CCDC90B: variants seen among roughly 807,000 people sequenced by gnomAD.
CCDC90B encodes coiled-coil domain-containing protein 90B, mitochondrial.
In CCDC90B, 24 loss-of-function variants were observed where a neutral mutation model predicts 37.0. The observed-to-expected ratio is 0.65, with a 90% confidence interval of 0.47 to 0.91. The LOEUF is 0.91. Ranked by LOEUF, CCDC90B falls within the 40% of genes least tolerant of loss-of-function variation. The probability of loss-of-function intolerance (pLI) is 0.00; values close to 1 mark genes in which losing one functional copy is unlikely to be tolerated. For synonymous variants in CCDC90B, 113 were observed against 101.1 expected, an observed-to-expected ratio of 1.12 and a Z score of -0.71; for missense variants, 319 against 299.0, an observed-to-expected ratio of 1.07 and a Z score of -0.49.
At position 83,261,625 on chromosome 11, in the gene CCDC90B, TC is replaced by T; in HGVS notation, c.*285del. ...ACTGTTCAAGCAAACATAAGAAAACTCTGGTTCAATTTCTATTAACTATCAA... is the reference window on the plus strand; with the variant it reads ...ACTGTTCAAGCAAACATAAGAAAACTTGGTTCAATTTCTATTAACTATCAA... On this transcript the variant is annotated 3_prime_UTR_variant, in exon 9 of 9. Transcript: ENST00000529689. The T allele has an allele frequency of 4.3e-6, 1 of 232,294 alleles. No homozygotes were observed. The highest frequency in any genetic ancestry group is 8.1e-5 in the East Asian group (1 of 12,328). The allele number at this position is 232,294 out of a possible 1,614,324, so 14.4% of individuals were successfully genotyped here.
At chr11:83,279,299 AC>A (rs1364834159) in intron 2 of CCDC90B, among the ~76,000 whole-genome samples, 1 of 151,970 alleles carries the variant, frequency 6.6e-6, no homozygotes. Flanking sequence ...CAAAAAAAAA[AC>A]AAACAAAAAA....
chr11:83,262,103 C>A, intron 8 of CCDC90B, 137 bp from the exon 9 acceptor site: 1 of 571,202 alleles, frequency 1.8e-6, no homozygotes, highest in Non-Finnish European at 3.0e-6. Context: ...TTTTTATTCC[C>A]TAGACAATTA....
Position 83,286,034 on chromosome 11 carries a change from G to T in CCDC90B, c.-62C>A. On this transcript the variant is annotated 5_prime_UTR_variant, in exon 1 of 9. Transcript: ENST00000529689. ...CGGGGTAAATCTCGCACAGGCTTTC[G>T]GGCAAGGTAGTTCTGGCACCACAGG... The T allele has an allele frequency of 6.4e-7, 1 of 1,556,316 alleles. No individual in the cohort carries two copies. Among genetic ancestry groups the T allele is most frequent in the East Asian group, 2.4e-5 (1 of 41,532 alleles).
intron 1 of CCDC90B, among the ~76,000 whole-genome samples, chr11:83,282,138 A>C (rs1865419507): frequency 6.6e-6 from 1 of 152,202 alleles, no homozygotes; most frequent in Admixed American, 6.5e-5. Context: ...CATTTTGTAA[A>C]CACGATGGGA....
At position 83,265,846 on chromosome 11, in the gene CCDC90B, C is replaced by G; in HGVS notation, c.709+19G>C. The G allele has an allele frequency of 2.0e-6, 3 of 1,479,430 alleles. No individual in the cohort carries two copies. Among genetic ancestry groups the G allele is most frequent in the South Asian group, 1.2e-5 (1 of 86,842 alleles). The allele number at this position is 1,479,430 out of a possible 1,614,324, so 91.6% of individuals were successfully genotyped here. ...CAGGAAAATTAGATGACAGCAATTT[C>G]TTTCTCTGACAGTCTTACCTGCAAG... On this transcript the variant is annotated intron_variant, in intron 8 of 8. Transcript: ENST00000529689.
At chr11:83,285,175 C>T (rs1342889890) in intron 1 of CCDC90B, 2 of 1,284,316 alleles carry the variant, frequency 1.6e-6, no homozygotes, top group African/African-American at 1.5e-5. Flanking sequence ...GGTGCCTATT[C>T]GCCTATTTTG....
chr11:83,276,505 G>T (rs1565216522), intron 3 of CCDC90B, among the ~76,000 whole-genome samples: 1 of 152,010 alleles, frequency 6.6e-6, no homozygotes, highest in Non-Finnish European at 1.5e-5. Flanking sequence ...CCACCATCAT[G>T]CCTGGCTAAT....
chr11:83,280,073 T>C, intron 2 of CCDC90B, 68 bp downstream of exon 2: 1 of 1,475,452 alleles, frequency 6.8e-7, no homozygotes, highest in Non-Finnish European at 9.2e-7. Context: ...ATAATAGTGA[T>C]ATTGTCTTAA....
rs1863868342 is a variant in CCDC90B at position 83,260,261 on chromosome 11, A to C, written c.*1650T>G. 1 of 152,218 alleles carries C rather than the reference A, an allele frequency of 6.6e-6. No individual in the cohort carries two copies. 9.4% of individuals were successfully genotyped at this position (152,218 alleles called of 1,614,324 possible). A position where few individuals can be genotyped will look rare whatever the true frequency, so the allele number is the denominator to read the frequency against. On this transcript the variant is annotated 3_prime_UTR_variant, in exon 9 of 9. Transcript: ENST00000529689. ...AAGATTGTCAATTCAATGAGAATGA[A>C]ACCATGTTCATCTCTGTGCACACAG...
At chr11:83,275,077 C>CT (rs1403217782) in intron 3 of CCDC90B, among the ~76,000 whole-genome samples, 1 of 152,076 alleles carries the variant, frequency 6.6e-6, no homozygotes, top group Non-Finnish European at 1.5e-5. Flanking sequence ...GGTTTTATCT[C>CT]TTATTACTTT....
rs1278338496 is a variant in CCDC90B at position 83,261,795 on chromosome 11, A to G, written c.*116T>C. 1.4e-6 allele frequency: 1 copy of G among 708,268 alleles called. No individual in the cohort carries two copies. 43.9% of individuals were successfully genotyped at this position (708,268 alleles called of 1,614,324 possible). ...AAACACTTCCTCTTTTAGTCCGTAT[A>G]CACTTCGAATAATCTTGTGTAGTAA... On this transcript the variant is annotated 3_prime_UTR_variant, in exon 9 of 9. Coordinates refer to ENST00000529689, the MANE Select transcript of CCDC90B (RefSeq NM_021825.5).
intron 3 of CCDC90B, among the ~76,000 whole-genome samples, chr11:83,276,122 G>C (rs1025032171): frequency 6.6e-6 from 1 of 152,076 alleles, no homozygotes; most frequent in African/African-American, 2.4e-5. Flanking sequence ...TACTGGGGAG[G>C]GTTGTTCATT....
intron 8 of CCDC90B, among the ~76,000 whole-genome samples, chr11:83,262,681 C>G (rs1021335694): frequency 6.6e-6 from 1 of 152,128 alleles, no homozygotes; most frequent in Non-Finnish European, 1.5e-5. Context: ...AATAAAGACA[C>G]AAGAAATTAG....
chr11:83,274,450 T>G (rs1864897725), intron 4 of CCDC90B, 189 bp downstream of exon 4: 1 of 404,700 alleles, frequency 2.5e-6, no homozygotes, highest in Non-Finnish European at 4.4e-6. Context: ...CTCTTCAGTA[T>G]GCAAAGCACT....
chr11:83,285,012 C>T, intron 1 of CCDC90B: 1 of 591,380 alleles, frequency 1.7e-6, no homozygotes. Context: ...GCAGTTTTGA[C>T]TGCAGCTGTT....
intron 8 of CCDC90B, among the ~76,000 whole-genome samples, chr11:83,262,783 G>C (rs1340993050): frequency 6.6e-6 from 1 of 152,152 alleles, no homozygotes; most frequent in South Asian, 2.1e-4. Flanking sequence ...TTAATGATAA[G>C]ATCATTTTCT....
chr11:83,274,087 A>G, intron 4 of CCDC90B, 95 bp from the exon 5 acceptor site: 3 of 899,224 alleles, frequency 3.3e-6, no homozygotes, highest in Non-Finnish European at 4.7e-6. Context: ...AATTTGGACA[A>G]TCTATGGATT....
At position 83,285,160 on chromosome 11, in the gene CCDC90B, TA is replaced by T; in HGVS notation, c.100+712del. The T allele has an allele frequency of 2.3e-6, 3 of 1,281,940 alleles. No individual in the cohort carries two copies. In the Middle Eastern group the frequency reaches 6.4e-4, roughly 275 times the overall value. The allele number at this position is 1,281,940 out of a possible 1,614,324, so 79.4% of individuals were successfully genotyped here. On this transcript the variant is annotated intron_variant, in intron 1 of 8. Coordinates refer to ENST00000529689, the MANE Select transcript of CCDC90B (RefSeq NM_021825.5). The stretch of plus-strand genomic sequence containing the variant: ...GAAGATTCAAGAAGGTGAACAGAGA[TA>T]AGAGGTGCCTATTCGCCTATTTTGT...
chr11:83,267,603 T>A (rs1864365023), intron 7 of CCDC90B: 1 of 151,990 alleles, frequency 6.6e-6, no homozygotes, highest in Non-Finnish European at 1.5e-5. Flanking sequence ...CTCCAAGAAA[T>A]ATGGGACTAT....
Sources: gnomAD v4.1 joint callset for allele counts (sites outside exome capture counted in the v4.1 genomes callset) on GRCh38, gnomAD v4.1.1 for gene constraint, MANE v1.5 for transcripts, NCBI Gene and HGNC (gene_info 2026-07-23, HGNC 2026-07-21) for gene names.